Variants in PEBP1 observed in about 807,000 individuals in gnomAD.
PEBP1 encodes phosphatidylethanolamine binding protein 1.
A neutral mutation model predicts 22.7 loss-of-function variants in PEBP1; 17 were observed. That is an observed-to-expected ratio of 0.75 (90% CI 0.51 to 1.12). The LOEUF is 1.12. PEBP1 is among the 50% of genes most tolerant of loss of function. The probability of loss-of-function intolerance (pLI) is 0.00; values close to 1 mark genes in which losing one functional copy is unlikely to be tolerated. For synonymous variants in PEBP1, 106 were observed against 104.3 expected, an observed-to-expected ratio of 1.02 and a Z score of -0.10; for missense variants, 205 against 243.5, an observed-to-expected ratio of 0.84 and a Z score of 1.05.
In PEBP1 at chr12:118,141,985, T is replaced by A. The variant is rs553770725; in HGVS notation, c.346+2434T>A. Among the ~76,000 whole-genome samples, 19 of 152,274 alleles carry A rather than the reference T, an allele frequency of 1.2e-4. No homozygotes were observed. The South Asian group carries it at 1.7e-3, about 13-fold the overall frequency. ...TATTATCCAGTCTTTTTGTTTAAAC[T>A]TCTGTGTATTATTCTAGGACTATTT... On this transcript the variant is annotated intron_variant, in intron 3 of 3. Coordinates refer to ENST00000261313, the MANE Select transcript of PEBP1 (RefSeq NM_002567.4).
Position 118,136,266 on chromosome 12 carries a change from G to A in PEBP1, c.57G>A (p.Glu19=). The change falls in exon 1 of 4, where the codon GAG becomes GAA. Residue 19 remains glutamate (E), a synonymous_variant. Transcript: ENST00000261313. The surrounding 1 kb of genome is among the most constrained non-coding windows in gnomAD (Gnocchi z 5.6). ...SGPLSLQEVD[E]QPQHPLHVTY... is the part of the protein sequence containing the mutation. ...CCTTGAGCCTGCAAGAAGTGGACGA[G>A]CAGCCGCAGCACCCGCTGCATGTCA... 6.5e-7 allele frequency: 1 copy of A among 1,547,126 alleles called. No homozygotes were observed. Among genetic ancestry groups the A allele is most frequent in the Non-Finnish European group, 8.7e-7 (1 of 1,146,622 alleles).
intron 3 of PEBP1, among the ~76,000 whole-genome samples, chr12:118,141,711 G>A (rs1382634017): frequency 6.6e-6 from 1 of 152,134 alleles, no homozygotes; most frequent in Admixed American, 6.6e-5. Flanking sequence ...TCTAGCCTGG[G>A]CGATAGAGCA....
chr12:118,142,826 CTTTTTTTTTTTTTTTTT>C (rs374392598), intron 3 of PEBP1, among the ~76,000 whole-genome samples: 24 of 93,640 alleles, frequency 2.6e-4, no homozygotes, highest in African/African-American at 8.5e-4. Flanking sequence ...ACTACATTCA[CTTTTTTTTTTTTTTTTT>C]TTTTTTTTTT....
Position 118,145,124 on chromosome 12 carries a change from C to A in PEBP1, c.*321C>A. ...AAAACTGGGGGGAAAAAGACCAGGTCTACAGTGATAGAGCAAAGCATCAAA... is the reference window on the plus strand; with the variant it reads ...AAAACTGGGGGGAAAAAGACCAGGTATACAGTGATAGAGCAAAGCATCAAA... On this transcript the variant is annotated 3_prime_UTR_variant, in exon 4 of 4. Coordinates refer to ENST00000261313, the MANE Select transcript of PEBP1 (RefSeq NM_002567.4). The A allele has an allele frequency of 1.9e-6, 1 of 523,370 alleles. No homozygotes were observed. The highest frequency in any genetic ancestry group is 3.1e-6 in the Non-Finnish European group (1 of 318,024). The allele number at this position is 523,370 out of a possible 1,614,324, so 32.4% of individuals were successfully genotyped here.
Position 118,144,781 on chromosome 12 carries a change from A to G in PEBP1, c.542A>G (p.Tyr181Cys), listed in dbSNP as rs2034143004. ...TGGGATGACTATGTGCCCAAACTGT[A>G]CGAGCAGCTGTCTGGGAAGTAGGGG... ...AEWDDYVPKL[Y>C]EQLSGK The change falls in exon 4 of 4, where the codon TAC becomes TGC. Residue 181 changes from tyrosine to cysteine, a missense_variant. Coordinates refer to ENST00000261313, the MANE Select transcript of PEBP1 (RefSeq NM_002567.4). 1 of 1,613,986 alleles carries G rather than the reference A, an allele frequency of 6.2e-7. No homozygotes were observed. The highest frequency in any genetic ancestry group is 1.3e-5 in the African/African-American group (1 of 74,916).
At position 118,142,826 on chromosome 12, in the gene PEBP1, CTTTTTTTTT is replaced by C. The variant is rs374392598; in HGVS notation, c.347-1737_347-1729del. Among the ~76,000 whole-genome samples, 11 of 93,634 alleles carry C rather than the reference CTTTTTTTTT, an allele frequency of 1.2e-4. No individual in the cohort carries two copies. In the East Asian group the frequency reaches 1.8e-3, roughly 16 times the overall value. 61.4% of individuals were successfully genotyped at this position (93,634 alleles called of 152,430 possible). ...ACTACAGTAGCGTTAACTACATTCA[CTTTTTTTTT>C]TTTTTTTTTTTTTTTTTTTTTTGAG... On this transcript the variant is annotated intron_variant, in intron 3 of 3. Transcript: ENST00000261313.
In PEBP1 at chr12:118,145,064, A is replaced by T; in HGVS notation, c.*261A>T. 1 of 1,366,942 alleles carries T rather than the reference A, an allele frequency of 7.3e-7. No individual in the cohort carries two copies. The highest frequency in any genetic ancestry group is 9.8e-7 in the Non-Finnish European group (1 of 1,024,718). The allele number at this position is 1,366,942 out of a possible 1,614,324, so 84.7% of individuals were successfully genotyped here. A position where few individuals can be genotyped will look rare whatever the true frequency, so the allele number is the denominator to read the frequency against. On this transcript the variant is annotated 3_prime_UTR_variant, in exon 4 of 4. Transcript: ENST00000261313. ...ACTGTGATGGGGTCATCAAATTATT[A>T]ATCTGAAAATAGCAACCCAGAATGT...
At position 118,141,035 on chromosome 12, in the gene PEBP1, G is replaced by A. The variant is rs531401412; in HGVS notation, c.346+1484G>A. Among the ~76,000 whole-genome samples, 18 of 152,114 alleles carry A rather than the reference G, an allele frequency of 1.2e-4. No homozygotes were observed. In the South Asian group the frequency reaches 3.5e-3, roughly 30 times the overall value. ...ACAGATGACATTTCCATCGCCCAACGACATTCTCATGTGACCTTTTTACTT... is the reference window on the plus strand; with the variant it reads ...ACAGATGACATTTCCATCGCCCAACAACATTCTCATGTGACCTTTTTACTT... On this transcript the variant is annotated intron_variant, in intron 3 of 3. Coordinates refer to ENST00000261313, the MANE Select transcript of PEBP1 (RefSeq NM_002567.4).
rs749203354 is a variant in PEBP1 at position 118,144,589 on chromosome 12, T to C, written c.350T>C (p.Leu117Pro). 2 of 1,612,186 alleles carry C rather than the reference T, an allele frequency of 1.2e-6. No individual in the cohort carries two copies. The highest frequency in any genetic ancestry group is 1.1e-5 in the South Asian group (1 of 90,648). ...TTCCCTCTGCCTCTCCCCACAGGCC[T>C]CCACCGCTATGTCTGGCTGGTTTAC... ...VGSGPPKGTG[L>P]HRYVWLVYEQ... The change falls in exon 4 of 4, where the codon CTC becomes CCC. Residue 117 changes from leucine to proline, a missense_variant. Leu to Pro is a moderately conservative substitution (Grantham distance 98). Coordinates refer to ENST00000261313, the MANE Select transcript of PEBP1 (RefSeq NM_002567.4).
intron 3 of PEBP1, among the ~76,000 whole-genome samples, chr12:118,141,930 G>A (rs1454097443): frequency 6.6e-6 from 1 of 152,086 alleles, no homozygotes; most frequent in Non-Finnish European, 1.5e-5. Context: ...GATGTTTCCA[G>A]TATTTGGATA....
Position 118,137,000 on chromosome 12 carries a change from C to T in PEBP1, c.135+656C>T, listed in dbSNP as rs1184883589. On this transcript the variant is annotated intron_variant, in intron 1 of 3. Coordinates refer to ENST00000261313, the MANE Select transcript of PEBP1 (RefSeq NM_002567.4). This position sits in a 1 kb window ranked among gnomAD's most constrained non-coding sequence, Gnocchi z 5.6. The stretch of plus-strand genomic sequence containing the variant: ...GCTCCGGGCAACAGCGTAAAATAAA[C>T]TGCCCCGACCTTACATTGTTTTGGA... Among the ~76,000 whole-genome samples the T allele has an allele frequency of 2.6e-5, 4 of 152,218 alleles. No individual in the cohort carries two copies. The highest frequency in any genetic ancestry group is 9.6e-5 in the African/African-American group (4 of 41,462).
chr12:118,137,294 C>T (rs2034072718), intron 1 of PEBP1, among the ~76,000 whole-genome samples: 1 of 152,086 alleles, frequency 6.6e-6, no homozygotes, highest in South Asian at 2.1e-4. Flanking sequence ...CCAGCCTTAT[C>T]TGTTTCTCTT....
rs747036076 is a variant in PEBP1 at position 118,144,895 on chromosome 12, GC to G, written c.*98del. ...TGTATAATAGATTTCTCCTCTTCCT[GC>G]CCCCCTTGGCATGGGTGAGACCTGA... On this transcript the variant is annotated 3_prime_UTR_variant, in exon 4 of 4. Transcript: ENST00000261313. 6.3e-6 allele frequency: 10 copies of G among 1,587,878 alleles called. No individual in the cohort carries two copies. In the African/African-American group the frequency reaches 9.4e-5, roughly 15 times the overall value.
At chr12:118,137,191 A>G (rs2034071185) in intron 1 of PEBP1, among the ~76,000 whole-genome samples, 2 of 152,158 alleles carry the variant, frequency 1.3e-5, no homozygotes, top group Admixed American at 1.3e-4. Context: ...GGCTCCAGGT[A>G]ACCTCCTGAT....
chr12:118,140,333 T>C (rs960274275), intron 3 of PEBP1, among the ~76,000 whole-genome samples: 4 of 152,162 alleles, frequency 2.6e-5, no homozygotes, highest in African/African-American at 9.7e-5. Context: ...ATCTCTGACA[T>C]GGACAGTTGG....
At chr12:118,137,205 C>T (rs560812437) in intron 1 of PEBP1, among the ~76,000 whole-genome samples, 1 of 152,250 alleles carries the variant, frequency 6.6e-6, no homozygotes, top group Middle Eastern at 3.4e-3. Context: ...TCCTGATCAC[C>T]AAATCCAGAA....
chr12:118,143,463 A>G (rs1204963439), intron 3 of PEBP1, among the ~76,000 whole-genome samples: 2 of 152,336 alleles, frequency 1.3e-5, no homozygotes, highest in Middle Eastern at 3.4e-3. Flanking sequence ...AGGCTGGATA[A>G]TATTCTGTTG....
intron 3 of PEBP1, among the ~76,000 whole-genome samples, chr12:118,140,617 C>G (rs2138085355): frequency 6.6e-6 from 1 of 151,718 alleles, no homozygotes; most frequent in East Asian, 2.0e-4. Context: ...TCGCTCACTG[C>G]AAGCTCCACC....
chr12:118,144,454 G>C, intron 3 of PEBP1, 132 bp from the exon 4 acceptor site: 2 of 825,264 alleles, frequency 2.4e-6, no homozygotes, highest in South Asian at 1.7e-5. Context: ...ATACCTGTCT[G>C]GACCCTCGGT....
Sources: gnomAD v4.1 joint callset for allele counts (sites outside exome capture counted in the v4.1 genomes callset) on GRCh38, gnomAD v4.1.1 for gene constraint, Gnocchi (gnomAD v3.1) non-coding constraint, MANE v1.5 for transcripts, NCBI Gene and HGNC (gene_info 2026-07-23, HGNC 2026-07-21) for gene names.